The following PSD3 variants were observed in gnomAD, a reference collection of about 807,000 sequenced individuals.
PSD3 encodes PH and SEC7 domain-containing protein 3.
A neutral mutation model predicts 105.5 loss-of-function variants in PSD3; 49 were observed. That is an observed-to-expected ratio of 0.46 (90% CI 0.37 to 0.59). The LOEUF is 0.59. Among genes scored for constraint, PSD3 ranks in the 20% least tolerant of loss-of-function variants. The pLI, the probability that PSD3 is intolerant of heterozygous loss-of-function variation, is 0.00. For synonymous variants in PSD3, 557 were observed against 457.8 expected, an observed-to-expected ratio of 1.22 and a Z score of -2.77; for missense variants, 1,561 against 1,263.8, an observed-to-expected ratio of 1.24 and a Z score of -3.57.
rs1308080993 is a variant in PSD3, at chr8:18,970,345, A to AG, written c.22-34204_22-34203insC. ...GCCTCAAAAAAAAAAAAAAAAAAAA[A>AG]AAACAAAGAAAAGAAAAGAAACAAC... On this transcript the variant is annotated intron_variant, in intron 1 of 15. Coordinates refer to ENST00000327040, the MANE Select transcript of PSD3 (RefSeq NM_015310.4). 2.1e-3 allele frequency among the ~76,000 whole-genome samples: 298 copies of AG among 145,178 alleles called. 3 individuals carry two copies. The highest frequency in any genetic ancestry group is 7.9e-3 in the African/African-American group (286 of 36,350).
At chr8:18,706,355 A>G (rs186073270) in intron 9 of PSD3, among the ~76,000 whole-genome samples, 8 of 152,314 alleles carry the variant, frequency 5.3e-5, no homozygotes, top group Admixed American at 5.2e-4. Flanking sequence ...GCTTATTTAT[A>G]TTTCCTAATT....
chr8:18,652,040 T>G (rs1007575510), intron 10 of PSD3, among the ~76,000 whole-genome samples: 5 of 152,124 alleles, frequency 3.3e-5, no homozygotes, highest in Non-Finnish European at 7.3e-5. Context: ...TTGGAGCCAT[T>G]TCTGCAGGGG....
At chr8:18,605,700 T>C (rs1462198121) in intron 11 of PSD3, among the ~76,000 whole-genome samples, 3 of 152,152 alleles carry the variant, frequency 2.0e-5, no homozygotes, top group South Asian at 4.1e-4. Context: ...ATTCCCAGTG[T>C]TGGAGGTGGG....
chr8:19,020,742 G>C (rs868643736), intron 1 of PSD3, among the ~76,000 whole-genome samples: 1 of 152,096 alleles, frequency 6.6e-6, no homozygotes, highest in Non-Finnish European at 1.5e-5. Flanking sequence ...ATATTTTGAA[G>C]ATTGAGCTCA....
intron 11 of PSD3, among the ~76,000 whole-genome samples, chr8:18,605,987 T>C (rs1207633381): frequency 6.6e-6 from 1 of 152,172 alleles, no homozygotes; most frequent in East Asian, 1.9e-4. Flanking sequence ...AACTACTTTA[T>C]AAATTATCCA....
rs78354076 is a variant in PSD3, at chr8:18,790,141, C to G, written c.2082+9154G>C. Among the ~76,000 whole-genome samples, 740 of 152,086 alleles carry G rather than the reference C, an allele frequency of 4.9e-3. 8 individuals carry two copies. The highest frequency in any genetic ancestry group is 0.017 in the African/African-American group (717 of 41,494). ...AAAGAAGGCTTTCATTCTAAGAGGT[C>G]ATAGAATCCAACAAAATTGACCAGT... On this transcript the variant is annotated intron_variant, in intron 8 of 15. Coordinates refer to ENST00000327040, the MANE Select transcript of PSD3 (RefSeq NM_015310.4).
chr8:18,932,121 G>A (rs1377951899), intron 2 of PSD3, among the ~76,000 whole-genome samples: 1 of 152,158 alleles, frequency 6.6e-6, no homozygotes, highest in African/African-American at 2.4e-5. Context: ...TGGGTACCAC[G>A]TGCCAAACCC....
chr8:18,622,094 G>T (rs1365855801), intron 11 of PSD3, among the ~76,000 whole-genome samples: 9 of 152,156 alleles, frequency 5.9e-5, no homozygotes, highest in Non-Finnish European at 1.3e-4. Context: ...TGTATCCACA[G>T]TATTTACAAT....
intron 1 of PSD3, among the ~76,000 whole-genome samples, chr8:19,036,581 G>T (rs1827950048): frequency 6.6e-6 from 1 of 152,216 alleles, no homozygotes; most frequent in South Asian, 2.1e-4. Flanking sequence ...AACCAGTTGA[G>T]CTCAGAGAGT....
intron 9 of PSD3, among the ~76,000 whole-genome samples, chr8:18,677,859 A>AC (rs1800149323): frequency 6.6e-6 from 1 of 151,946 alleles, no homozygotes; most frequent in African/African-American, 2.4e-5. Flanking sequence ...AAATACAAAA[A>AC]ATTAGCCAGG....
At position 18,964,522 on chromosome 8, in the gene PSD3, T is replaced by C. The variant is rs370266120; in HGVS notation, c.22-28380A>G. Reference sequence around the variant, plus strand: ...TAAAACCTGGAGCATTTTTTTTTTTTACTTCAAAGATTGTGTTGCCTCAGA... The same window carrying C: ...TAAAACCTGGAGCATTTTTTTTTTTCACTTCAAAGATTGTGTTGCCTCAGA... On this transcript the variant is annotated intron_variant, in intron 1 of 15. Coordinates refer to ENST00000327040, the MANE Select transcript of PSD3 (RefSeq NM_015310.4). 3.5e-3 allele frequency among the ~76,000 whole-genome samples: 526 copies of C among 152,232 alleles called. 4 individuals are homozygous for C. The highest frequency in any genetic ancestry group is 0.012 in the African/African-American group (512 of 41,512).
At chr8:18,781,694 T>C (rs1330773072) in intron 8 of PSD3, among the ~76,000 whole-genome samples, 1 of 152,204 alleles carries the variant, frequency 6.6e-6, no homozygotes, top group African/African-American at 2.4e-5. Context: ...CCTTTCAGGG[T>C]AGAATATATT....
chr8:18,857,745 G>A (rs1180569934), intron 4 of PSD3, among the ~76,000 whole-genome samples: 1 of 152,160 alleles, frequency 6.6e-6, no homozygotes, highest in Non-Finnish European at 1.5e-5. Flanking sequence ...GTGGGGCTGA[G>A]GATTCTGCAA....
chr8:19,079,480 C>G (rs1292222663), intron 1 of PSD3, among the ~76,000 whole-genome samples: 1 of 152,124 alleles, frequency 6.6e-6, no homozygotes, highest in Non-Finnish European at 1.5e-5. Flanking sequence ...AATATAAAGA[C>G]AGAATTATCT....
rs569872920 is a variant in PSD3, at chr8:18,821,466, G to T, written c.1635-16568C>A. On this transcript the variant is annotated intron_variant, in intron 4 of 15. Transcript: ENST00000327040. Reference sequence around the variant, plus strand: ...TATTCCTCATGAAAAAAAATTACAGGTTGGATGAAATTTGCGTGAATTAGT... The same window carrying T: ...TATTCCTCATGAAAAAAAATTACAGTTTGGATGAAATTTGCGTGAATTAGT... Among the ~76,000 whole-genome samples, 111 of 152,078 alleles carry T rather than the reference G, an allele frequency of 7.3e-4. 2 individuals are homozygous for T. In the South Asian group the frequency reaches 0.023, roughly 31 times the overall value.
At chr8:19,008,822 T>C (rs1000791633) in intron 1 of PSD3, among the ~76,000 whole-genome samples, 4 of 152,168 alleles carry the variant, frequency 2.6e-5, no homozygotes, top group African/African-American at 9.7e-5. Flanking sequence ...CGCCTGGTCT[T>C]ATGAATGCCC....
At chr8:18,545,834 G>A (rs1800421590) in intron 15 of PSD3, among the ~76,000 whole-genome samples, 1 of 152,146 alleles carries the variant, frequency 6.6e-6, no homozygotes, top group African/African-American at 2.4e-5. Flanking sequence ...AGCTCCAAAA[G>A]GGCTAATGCC....
intron 8 of PSD3, among the ~76,000 whole-genome samples, chr8:18,789,709 T>A (rs970795057): frequency 6.6e-6 from 1 of 152,210 alleles, no homozygotes; most frequent in Non-Finnish European, 1.5e-5. Context: ...AAACAATTTT[T>A]AACTTGATTG....
At chr8:18,739,301 A>T (rs1804384843) in intron 9 of PSD3, among the ~76,000 whole-genome samples, 1 of 152,216 alleles carries the variant, frequency 6.6e-6, no homozygotes, top group African/African-American at 2.4e-5. Context: ...AGAGTAAGCT[A>T]TTTAAGGGAA....
Sources: allele counts gnomAD v4.1 joint callset (sites outside exome capture counted in the v4.1 genomes callset), GRCh38; gene constraint gnomAD v4.1.1; transcripts MANE v1.5; gene names NCBI Gene and HGNC (gene_info 2026-07-23, HGNC 2026-07-21).